Variants in PVT1 observed in about 807,000 individuals in gnomAD.
PVT1 encodes the protein Pvt1 oncogene.
intron 2 of PVT1, among the ~76,000 whole-genome samples, chr8:127,800,195 G>A (rs1295555714): frequency 6.6e-6 from 1 of 152,122 alleles, no homozygotes; most frequent in Non-Finnish European, 1.5e-5. Context: ...TATTCTTCAG[G>A]GCTCTTTTTT....
intron 5 of PVT1, among the ~76,000 whole-genome samples, chr8:128,074,317 C>CA (rs1814051413): frequency 6.6e-6 from 1 of 151,222 alleles, no homozygotes; most frequent in African/African-American, 2.4e-5. Flanking sequence ...CCAGCCTGGC[C>CA]AATATGGTGA....
intron 4 of PVT1, among the ~76,000 whole-genome samples, chr8:127,994,016 C>T (rs1300229637): frequency 2.0e-5 from 3 of 152,160 alleles, no homozygotes; most frequent in African/African-American, 7.2e-5. Context: ...CCCCCCTGCT[C>T]ATGGATGGTG....
At chr8:127,825,117 T>TAAAAAAAA (rs58377389) in intron 2 of PVT1, among the ~76,000 whole-genome samples, 2 of 81,048 alleles carry the variant, frequency 2.5e-5, no homozygotes, top group African/African-American at 4.9e-5. Flanking sequence ...AAACACTAGC[T>TAAAAAAAA]AAAAAAAAAA....
In PVT1 at chr8:127,926,588, G is replaced by A. The variant is rs144271139; in HGVS notation, n.782+35590G>A. On this transcript the variant is annotated intron_variant and non_coding_transcript_variant, in intron 3 of 10. Transcript: ENST00000651587. ...TCATGTTCCAGGGCATCCTGTGGAT[G>A]GCCTGAGTTGGTCCCCAGCCGAGAC... 2.8e-3 allele frequency among the ~76,000 whole-genome samples: 430 copies of A among 152,282 alleles called. 3 individuals carry two copies. Among genetic ancestry groups the A allele is most frequent in the African/African-American group, 0.01 (416 of 41,562 alleles).
At chr8:128,000,215 G>A (rs1013625791) in intron 4 of PVT1, among the ~76,000 whole-genome samples, 11 of 152,164 alleles carry the variant, frequency 7.2e-5, no homozygotes, top group Admixed American at 3.9e-4. Flanking sequence ...CCTGGGACCC[G>A]AGGCACACAG....
rs943139841 is a variant in PVT1 at position 128,071,587 on chromosome 8, A to C, written n.1114+1226A>C. Among the ~76,000 whole-genome samples, 4 of 151,858 alleles carry C rather than the reference A, an allele frequency of 2.6e-5. No individual in the cohort carries two copies. The East Asian group carries it at 5.8e-4, about 22-fold the overall frequency. On this transcript the variant is annotated intron_variant and non_coding_transcript_variant, in intron 5 of 10. Transcript: ENST00000651587. ...GTGGTCCCAGCTAGTTAGGAGGCTG[A>C]GGTGGGAGGATCGCTTGAGCCCAGG...
rs186338423 is a variant in PVT1, at chr8:127,820,246, G to A, written n.372+24175G>A. Among the ~76,000 whole-genome samples the A allele has an allele frequency of 5.9e-5, 9 of 152,286 alleles. No homozygotes were observed. In the East Asian group the frequency reaches 1.7e-3, roughly 29 times the overall value. On this transcript the variant is annotated intron_variant and non_coding_transcript_variant, in intron 2 of 10. Coordinates refer to ENST00000651587, the Ensembl canonical transcript of PVT1. ...AGGCTCATTCTGTTTACTCCAGTAGGTCACGGGGCCAAGGGCAAACATACA... is the reference window on the plus strand; with the variant it reads ...AGGCTCATTCTGTTTACTCCAGTAGATCACGGGGCCAAGGGCAAACATACA...
At chr8:127,889,032 CTTT>C (rs1563631121) in intron 2 of PVT1, among the ~76,000 whole-genome samples, 14 of 67,966 alleles carry the variant, frequency 2.1e-4, no homozygotes, top group African/African-American at 8.5e-4. Flanking sequence ...TCCTTTCTCT[CTTT>C]CTTTCTTCCT....
intron 5 of PVT1, among the ~76,000 whole-genome samples, chr8:128,079,906 A>G (rs138861500): frequency 7.0e-4 from 106 of 152,094 alleles, no homozygotes; most frequent in Middle Eastern, 6.8e-3. Context: ...TTGTATTTTT[A>G]GTAGAGACAG....
intron 5 of PVT1, among the ~76,000 whole-genome samples, chr8:128,077,245 T>C (rs577744342): frequency 0.017 from 2,534 of 152,256 alleles, 59 homozygotes; most frequent in African/African-American, 0.058. Context: ...AGAACTTTGT[T>C]TTTTGCCCCT....
chr8:128,000,703 G>T (rs1037790034), intron 4 of PVT1, among the ~76,000 whole-genome samples: 3 of 152,218 alleles, frequency 2.0e-5, no homozygotes, highest in African/African-American at 7.2e-5. Context: ...GCAGGACTTT[G>T]TCCCATAACA....
chr8:127,928,362 C>T (rs1003573156), intron 3 of PVT1, among the ~76,000 whole-genome samples: 2 of 152,210 alleles, frequency 1.3e-5, no homozygotes, highest in Non-Finnish European at 2.9e-5. Context: ...TGAATTTCCA[C>T]TTGCTCAGGC....
At chr8:127,830,619 G>A (rs957157613) in intron 2 of PVT1, among the ~76,000 whole-genome samples, 1 of 152,126 alleles carries the variant, frequency 6.6e-6, no homozygotes, top group African/African-American at 2.4e-5. Flanking sequence ...GGTGGTTCAT[G>A]CCTACTATAG....
chr8:127,923,888 C>T (rs144944067), intron 3 of PVT1, among the ~76,000 whole-genome samples: 3 of 152,324 alleles, frequency 2.0e-5, no homozygotes, highest in African/African-American at 7.2e-5. Context: ...TCAGCATTTC[C>T]CTGCATCAGC....
At chr8:127,842,978 T>A (rs1419562767) in intron 2 of PVT1, among the ~76,000 whole-genome samples, 6 of 152,178 alleles carry the variant, frequency 3.9e-5, no homozygotes, top group African/African-American at 1.4e-4. Context: ...TCTGAATGTA[T>A]GACCAATAGG....
intron 3 of PVT1, among the ~76,000 whole-genome samples, chr8:127,988,321 G>A (rs889361553): frequency 6.6e-6 from 1 of 152,210 alleles, no homozygotes; most frequent in Non-Finnish European, 1.5e-5. Flanking sequence ...AGTGAGGATG[G>A]TGGGGGGGCC....
intron 2 of PVT1, among the ~76,000 whole-genome samples, chr8:127,832,263 G>A (rs571057967): frequency 1.3e-5 from 2 of 152,068 alleles, no homozygotes; most frequent in East Asian, 1.9e-4. Context: ...ATATTCCCAC[G>A]CAGAGATAGC....
intron 3 of PVT1, among the ~76,000 whole-genome samples, chr8:127,915,205 G>A (rs1421783486): frequency 6.6e-6 from 1 of 152,090 alleles, no homozygotes; most frequent in African/African-American, 2.4e-5. Flanking sequence ...CATTGTGAAT[G>A]TACTAGACAA....
intron 2 of PVT1, among the ~76,000 whole-genome samples, chr8:127,870,003 C>T (rs1213006022): frequency 1.3e-5 from 2 of 152,150 alleles, no homozygotes; most frequent in Non-Finnish European, 2.9e-5. Context: ...AGGGTGTCAC[C>T]ATGTTGGCCA....
Sources: gnomAD v4.1 joint callset for allele counts (sites outside exome capture counted in the v4.1 genomes callset) on GRCh38, gnomAD v4.1.1 for gene constraint, MANE v1.5 for transcripts, NCBI Gene and HGNC (gene_info 2026-07-23, HGNC 2026-07-21) for gene names.